The following CNTNAP2 variants were observed in gnomAD, a reference collection of about 807,000 sequenced individuals.
The protein encoded by CNTNAP2 is contactin associated protein 2, also known as contactin-associated protein-like 2.
In CNTNAP2, 98 loss-of-function variants were observed where a neutral mutation model predicts 155.2. That is an observed-to-expected ratio of 0.63 (90% CI 0.54 to 0.75). The LOEUF (loss-of-function observed/expected upper bound fraction) is 0.75. CNTNAP2 is among the 30% of genes least tolerant of loss of function. The pLI, the probability that CNTNAP2 is intolerant of heterozygous loss-of-function variation, is 0.00. For synonymous variants in CNTNAP2, 651 were observed against 631.2 expected (o/e 1.03, Z -0.47); for missense variants, 1,727 against 1,688.1 (o/e 1.02, Z -0.40).
chr7:147,544,248 G>T (rs1799690323), intron 11 of CNTNAP2, among the ~76,000 whole-genome samples: 1 of 152,052 alleles, frequency 6.6e-6, no homozygotes, highest in African/African-American at 2.4e-5. Context: ...CATACAAACT[G>T]CTCTTAGAAA....
In CNTNAP2 at chr7:146,205,758, T is replaced by A. The variant is rs182800990; in HGVS notation, c.97+88785T>A. ...TTATTAAAAGTCTAACATAGCAACT[T>A]GAATGTTTCAAGAGACTTGCTATTT... On this transcript the variant is annotated intron_variant, in intron 1 of 23. Transcript: ENST00000361727. Among the ~76,000 whole-genome samples the A allele has an allele frequency of 5.7e-4, 87 of 152,034 alleles. 1 individual carries two copies. Among genetic ancestry groups the A allele is most frequent in the African/African-American group, 1.9e-3 (78 of 41,558 alleles).
Position 147,972,696 on chromosome 7 carries a change from G to C in CNTNAP2, c.2256-5166G>C, listed in dbSNP as rs192951338. Reference sequence around the variant, plus strand: ...AAATGGATGATAGAATTTTTCCAATGTACAAGCCCACTAACAGATATAATT... The same window carrying C: ...AAATGGATGATAGAATTTTTCCAATCTACAAGCCCACTAACAGATATAATT... On this transcript the variant is annotated intron_variant, in intron 14 of 23. Coordinates refer to ENST00000361727, the MANE Select transcript of CNTNAP2 (RefSeq NM_014141.6). 1.6e-3 allele frequency among the ~76,000 whole-genome samples: 247 copies of C among 152,274 alleles called. 4 individuals are homozygous for C. The highest frequency in any genetic ancestry group is 0.014 in the Admixed American group (207 of 15,294).
At chr7:146,220,444 A>T (rs567993350) in intron 1 of CNTNAP2, among the ~76,000 whole-genome samples, 1 of 152,334 alleles carries the variant, frequency 6.6e-6, no homozygotes, top group East Asian at 1.9e-4. Context: ...TGGGTAGACC[A>T]GGTTCAAGTC....
At chr7:147,179,229 C>T (rs759562378) in intron 8 of CNTNAP2, among the ~76,000 whole-genome samples, 3 of 152,060 alleles carry the variant, frequency 2.0e-5, no homozygotes, top group Non-Finnish European at 4.4e-5. Context: ...GCAAAAGGTT[C>T]TTCAATTTTA....
At chr7:146,262,153 T>G (rs941043089) in intron 1 of CNTNAP2, among the ~76,000 whole-genome samples, 1 of 152,148 alleles carries the variant, frequency 6.6e-6, no homozygotes, top group Admixed American at 6.5e-5. Flanking sequence ...CACTAACTTC[T>G]TTTTCACCAG....
intron 1 of CNTNAP2, among the ~76,000 whole-genome samples, chr7:146,622,279 C>CTATCTA (rs1216256197): frequency 3.0e-4 from 30 of 100,580 alleles, no homozygotes; most frequent in Admixed American, 7.8e-4. Flanking sequence ...ATCTATCTAT[C>CTATCTA]TATATATATA....
At chr7:146,190,755 C>T (rs1798691216) in intron 1 of CNTNAP2, among the ~76,000 whole-genome samples, 2 of 152,196 alleles carry the variant, frequency 1.3e-5, no homozygotes, top group Admixed American at 6.5e-5. Context: ...TCCTCTTGCT[C>T]ACAGCACCAA....
At chr7:147,557,296 A>G (rs1799970849) in intron 11 of CNTNAP2, among the ~76,000 whole-genome samples, 1 of 152,090 alleles carries the variant, frequency 6.6e-6, no homozygotes, top group Non-Finnish European at 1.5e-5. Flanking sequence ...AGGACTTGTC[A>G]CTGTCTAAAT....
chr7:147,027,560 A>C (rs1002584816), intron 3 of CNTNAP2, among the ~76,000 whole-genome samples: 1 of 152,232 alleles, frequency 6.6e-6, no homozygotes, highest in Non-Finnish European at 1.5e-5. Context: ...ACGTATGAAC[A>C]AAAGGCAACC....
At chr7:148,150,392 C>T (rs1805274975) in intron 17 of CNTNAP2, among the ~76,000 whole-genome samples, 2 of 151,852 alleles carry the variant, frequency 1.3e-5, no homozygotes, top group Admixed American at 1.3e-4. Context: ...ACTAAAAATA[C>T]AAAAAATTAG....
At chr7:147,863,144 T>C (rs1278265508) in intron 13 of CNTNAP2, among the ~76,000 whole-genome samples, 1 of 152,156 alleles carries the variant, frequency 6.6e-6, no homozygotes, top group Non-Finnish European at 1.5e-5. Flanking sequence ...AGTGTTCTCA[T>C]TGTTCATTTC....
intron 1 of CNTNAP2, among the ~76,000 whole-genome samples, chr7:146,761,386 T>C (rs1340785836): frequency 6.6e-6 from 1 of 151,972 alleles, no homozygotes; most frequent in Admixed American, 6.6e-5. Context: ...CTAAATTTAG[T>C]GTAAGTGATG....
chr7:147,658,612 C>T (rs1033603005), intron 13 of CNTNAP2, among the ~76,000 whole-genome samples: 1 of 152,136 alleles, frequency 6.6e-6, no homozygotes, highest in African/African-American at 2.4e-5. Flanking sequence ...TGCAGGGCTA[C>T]CAGATGGGAA....
intron 10 of CNTNAP2, among the ~76,000 whole-genome samples, chr7:147,445,419 A>G (rs1294344754): frequency 6.6e-6 from 1 of 152,186 alleles, no homozygotes; most frequent in Non-Finnish European, 1.5e-5. Flanking sequence ...ATTTGATCCC[A>G]AAATTGTGGA....
At chr7:146,666,744 G>A (rs936445126) in intron 1 of CNTNAP2, among the ~76,000 whole-genome samples, 7 of 152,104 alleles carry the variant, frequency 4.6e-5, no homozygotes, top group African/African-American at 1.7e-4. Context: ...TTTCCCTGAG[G>A]ACTAGTGGTG....
chr7:146,473,805 C>A (rs576008112), intron 1 of CNTNAP2, among the ~76,000 whole-genome samples: 2 of 152,252 alleles, frequency 1.3e-5, no homozygotes, highest in Non-Finnish European at 1.5e-5. Context: ...ATACAGTCTC[C>A]TGGGTCCCAC....
chr7:146,284,979 C>T (rs1355496400), intron 1 of CNTNAP2, among the ~76,000 whole-genome samples: 1 of 152,162 alleles, frequency 6.6e-6, no homozygotes, highest in African/African-American at 2.4e-5. Context: ...TTTGGTTTCC[C>T]AATGATGTTC....
chr7:146,563,907 T>C (rs1798318209), intron 1 of CNTNAP2, among the ~76,000 whole-genome samples: 1 of 152,100 alleles, frequency 6.6e-6, no homozygotes, highest in South Asian at 2.1e-4. Flanking sequence ...TGTTTGCCCA[T>C]GGAGATACTA....
chr7:146,120,719 T>C (rs1000727367), intron 1 of CNTNAP2, among the ~76,000 whole-genome samples: 2 of 152,176 alleles, frequency 1.3e-5, no homozygotes, highest in African/African-American at 4.8e-5. Context: ...ATATTTTTAC[T>C]GTATCTTTTC....
Sources: allele counts gnomAD v4.1 joint callset (sites outside exome capture counted in the v4.1 genomes callset), GRCh38; gene constraint gnomAD v4.1.1; transcripts MANE v1.5; gene names NCBI Gene and HGNC (gene_info 2026-07-23, HGNC 2026-07-21).